HOPX: variants seen among roughly 807,000 people sequenced by gnomAD.
The protein encoded by HOPX is HOP homeobox, also known as homeodomain-only protein.
Under a neutral mutation model 11.8 loss-of-function variants are expected in HOPX, and 5 were observed. The observed-to-expected ratio is 0.43, with a 90% CI of 0.22 to 0.89. The LOEUF (loss-of-function observed/expected upper bound fraction) is 0.89. HOPX is among the 40% of genes least tolerant of loss of function. The pLI is 0.28. For missense variants in HOPX, 119 were observed against 120.0 expected (o/e 0.99, Z 0.04); for synonymous variants, 49 against 49.7 (o/e 0.99, Z 0.06).
intron 3 of HOPX, among the ~76,000 whole-genome samples, chr4:56,652,986 T>C (rs1400518269): frequency 6.6e-6 from 1 of 152,220 alleles, no homozygotes; most frequent in African/African-American, 2.4e-5. Context: ...AAGTTCATCA[T>C]TGGGCATATG....
At chr4:56,671,580 C>A (rs1325725547) in intron 1 of HOPX, among the ~76,000 whole-genome samples, 1 of 152,036 alleles carries the variant, frequency 6.6e-6, no homozygotes, top group Non-Finnish European at 1.5e-5. Flanking sequence ...CCATGCTACT[C>A]AGTGATATGG....
intron 1 of HOPX, chr4:56,672,871 G>A (rs560278841): frequency 6.6e-6 from 1 of 152,230 alleles, no homozygotes; most frequent in South Asian, 2.1e-4. Context: ...ACTGAAGATT[G>A]TGCTCTTTTA....
upstream of HOPX, chr4:56,681,396 A>T: frequency 1.0e-6 from 1 of 985,482 alleles, no homozygotes; most frequent in South Asian, 4.7e-5. Flanking sequence ...TCGAGCAAGG[A>T]CCTGAAAAAC....
intron 1 of HOPX, among the ~76,000 whole-genome samples, chr4:56,669,393 GAGTGCTATTAATA>G (rs1457114568): frequency 1.3e-5 from 2 of 151,930 alleles, no homozygotes; most frequent in African/African-American, 4.8e-5. Flanking sequence ...AGAATAAAAG[GAGTGCTATTAATA>G]ATTACACCAG....
chr4:56,651,031 C>G, intron 3 of HOPX: 1 of 431,886 alleles, frequency 2.3e-6, no homozygotes, highest in Non-Finnish European at 4.1e-6. Flanking sequence ...GTTACTACAG[C>G]TGAAGAAATG....
At chr4:56,650,761 G>A in intron 3 of HOPX, 1 of 1,551,174 alleles carries the variant, frequency 6.4e-7, no homozygotes, top group South Asian at 1.2e-5. Flanking sequence ...CCTTCTCTTT[G>A]GGGGCTACTT....
At chr4:56,681,002 A>G in intron 1 of HOPX, 2 of 985,172 alleles carry the variant, frequency 2.0e-6, no homozygotes, top group Non-Finnish European at 2.4e-6. Flanking sequence ...CTGCTTGGCC[A>G]AAAGACCAAC....
At chr4:56,673,407 G>C (rs1444856074) in intron 1 of HOPX, among the ~76,000 whole-genome samples, 1 of 152,026 alleles carries the variant, frequency 6.6e-6, no homozygotes, top group Non-Finnish European at 1.5e-5. Flanking sequence ...ACAAAAAAAA[G>C]GGCTTTAAAA....
rs369541305 is a variant in HOPX at position 56,648,679 on chromosome 4, A to G, written c.*41T>C. 3 of 1,426,272 alleles carry G rather than the reference A, an allele frequency of 2.1e-6. No homozygotes were observed. The African/African-American group carries it at 4.2e-5, about 20-fold the overall frequency. The allele number at this position is 1,426,272 out of a possible 1,614,324, so 88.4% of individuals were successfully genotyped here. On this transcript the variant is annotated 3_prime_UTR_variant, in exon 4 of 4. Coordinates refer to ENST00000420433, the MANE Select transcript of HOPX (RefSeq NM_032495.6). ...GGTTAAGCGGAGGAGAGAAACAGAG[A>G]TGGCCTTCATGGAGTGAAGCTGTCA... is the stretch of plus-strand genomic sequence containing the variant.
chr4:56,681,552 A>G, upstream of HOPX: 1 of 1,000,190 alleles, frequency 1.0e-6, no homozygotes, highest in Non-Finnish European at 1.2e-6. Flanking sequence ...CCTCTCTCCT[A>G]GCCAAGCAAG....
chr4:56,665,371 G>C lies in HOPX; in HGVS notation c.-83-7472C>G, dbSNP rs564999066. On this transcript the variant is annotated intron_variant, in intron 1 of 3. Coordinates refer to ENST00000420433, the MANE Select transcript of HOPX (RefSeq NM_032495.6). ...TTTAAATCTCCCCAGTGTTCATTAG[G>C]AGAGTCTGGCACTTAATATGTGCTC... 4.6e-5 allele frequency: 7 copies of C among 152,324 alleles called. No homozygotes were observed. The South Asian group carries it at 1.5e-3, about 32-fold the overall frequency. 9.4% of individuals were successfully genotyped at this position (152,324 alleles called of 1,614,324 possible). A position where few individuals can be genotyped will look rare whatever the true frequency, so the allele number is the denominator to read the frequency against.
chr4:56,673,379 T>C (rs570306372), intron 1 of HOPX, among the ~76,000 whole-genome samples: 2 of 152,162 alleles, frequency 1.3e-5, no homozygotes, highest in South Asian at 4.2e-4. Flanking sequence ...TGTTAACTCA[T>C]CATACGCCTA....
Position 56,654,855 on chromosome 4 carries a change from A to T in HOPX, c.198+1002T>A, listed in dbSNP as rs180988830. On this transcript the variant is annotated intron_variant, in intron 3 of 3. Transcript: ENST00000420433. ...AGGAAAAATAATGTCTCTGCTTTAG[A>T]GTTGAGGTTAGAAGTGTGAAGTGCT... 2.6e-5 allele frequency among the ~76,000 whole-genome samples: 4 copies of T among 152,266 alleles called. No individual in the cohort carries two copies. In the East Asian group the frequency reaches 7.7e-4, roughly 29 times the overall value.
intron 3 of HOPX, among the ~76,000 whole-genome samples, chr4:56,651,854 G>C (rs1363057892): frequency 8.7e-6 from 1 of 114,872 alleles, no homozygotes; most frequent in Admixed American, 8.3e-5. Flanking sequence ...AAGGGAGAGA[G>C]AGAAAGAGAG....
intron 2 of HOPX, 73 bp downstream of exon 2, chr4:56,657,702 C>A: frequency 1.4e-6 from 1 of 735,232 alleles, no homozygotes; most frequent in Non-Finnish European, 2.5e-6. Context: ...AGAAACACTT[C>A]TTCTTCTGTG....
At chr4:56,666,072 CGTAT>C (rs1172766430) in intron 1 of HOPX, among the ~76,000 whole-genome samples, 1 of 152,100 alleles carries the variant, frequency 6.6e-6, no homozygotes, top group East Asian at 1.9e-4. Flanking sequence ...CTCCCTGTGG[CGTAT>C]TTCTCAGTGT....
chr4:56,656,292 A>G, intron 2 of HOPX: 6 of 1,137,038 alleles, frequency 5.3e-6, no homozygotes, highest in Non-Finnish European at 6.5e-6. Flanking sequence ...CAGGAACTGT[A>G]TCCCTGCCTG....
chr4:56,667,397 A>G (rs150707069), intron 1 of HOPX, among the ~76,000 whole-genome samples: 242 of 152,280 alleles, frequency 1.6e-3, no homozygotes, highest in African/African-American at 5.7e-3. Context: ...CCCTGAGTGC[A>G]TGGCTGTGCC....
In HOPX at chr4:56,648,498, T is replaced by C. The variant is rs1716857494; in HGVS notation, c.*222A>G. On this transcript the variant is annotated 3_prime_UTR_variant, in exon 4 of 4. Transcript: ENST00000420433. ...AATGCTAGCCACACCATTTTTCCAG[T>C]GAAGCCACTGCTTTACACAGAAGAT... 1 of 390,318 alleles carries C rather than the reference T, an allele frequency of 2.6e-6. No homozygotes were observed. The highest frequency in any genetic ancestry group is 4.5e-6 in the Non-Finnish European group (1 of 219,816). 24.2% of individuals were successfully genotyped at this position (390,318 alleles called of 1,614,324 possible). A position where few individuals can be genotyped will look rare whatever the true frequency, so the allele number is the denominator to read the frequency against.
Sources: gnomAD v4.1 joint callset for allele counts (sites outside exome capture counted in the v4.1 genomes callset) on GRCh38, gnomAD v4.1.1 for gene constraint, MANE v1.5 for transcripts, NCBI Gene and HGNC (gene_info 2026-07-23, HGNC 2026-07-21) for gene names.